TMEM131L: variants seen among roughly 807,000 people sequenced by gnomAD.
TMEM131L encodes transmembrane protein 131-like.
A neutral mutation model predicts 192.2 loss-of-function variants in TMEM131L; 54 were observed. The observed-to-expected ratio is 0.28, with a 90% CI of 0.23 to 0.35. The LOEUF is 0.35. TMEM131L is among the 10% of genes least tolerant of loss of function. The pLI, the probability that TMEM131L is intolerant of heterozygous loss-of-function variation, is 1.00. For synonymous variants in TMEM131L, 701 were observed against 704.9 expected (o/e 0.99, Z 0.09); for missense variants, 1,888 against 1,972.9 (o/e 0.96, Z 0.82).
Position 153,558,318 on chromosome 4 carries a change from G to T in TMEM131L, c.610G>T (p.Ala204Ser). ...TEGSAKQLPN[A>S]YFLLPKVQSI... ...AGGGTCTGCAAAGCAGCTACCAAAT[G>T]CTTATTTTCTGCTTCCAAAGGTCCA... Residue 204 changes from alanine to serine, a missense_variant, in exon 7 of 35, where the codon GCT (alanine) becomes TCT (serine). Ala to Ser is a moderately conservative substitution (Grantham distance 99). Coordinates refer to ENST00000409959, the MANE Select transcript of TMEM131L (RefSeq NM_001131007.2). 1.2e-6 allele frequency: 2 copies of T among 1,609,274 alleles called. No individual in the cohort carries two copies. Among genetic ancestry groups the T allele is most frequent in the Non-Finnish European group, 1.7e-6 (2 of 1,176,366 alleles).
At chr4:153,542,925 A>G (rs1489831386) in intron 3 of TMEM131L, among the ~76,000 whole-genome samples, 1 of 152,214 alleles carries the variant, frequency 6.6e-6, no homozygotes, top group African/African-American at 2.4e-5. Flanking sequence ...TGCATAGGTC[A>G]TCAGCAATAT....
intron 3 of TMEM131L, among the ~76,000 whole-genome samples, chr4:153,522,757 T>A (rs919484149): frequency 2.0e-5 from 3 of 152,148 alleles, no homozygotes; most frequent in Middle Eastern, 3.2e-3. Flanking sequence ...CATTCCCATA[T>A]CTCATCGTGT....
At chr4:153,611,372 C>T (rs1222100802) in intron 25 of TMEM131L, among the ~76,000 whole-genome samples, 1 of 152,242 alleles carries the variant, frequency 6.6e-6, no homozygotes, top group Non-Finnish European at 1.5e-5. Context: ...TTAACTTTGA[C>T]TGTAAAACTA....
At chr4:153,509,838 C>T (rs968774371) in intron 3 of TMEM131L, among the ~76,000 whole-genome samples, 5 of 152,174 alleles carry the variant, frequency 3.3e-5, no homozygotes, top group Non-Finnish European at 7.4e-5. Context: ...ATTGGCCCCA[C>T]CCTAAAGTAA....
At chr4:153,571,993 A>G (rs983627987) in intron 7 of TMEM131L, among the ~76,000 whole-genome samples, 1 of 151,916 alleles carries the variant, frequency 6.6e-6, no homozygotes, top group African/African-American at 2.4e-5. Flanking sequence ...AAGTATCTCC[A>G]CTTCTCTTTT....
intron 3 of TMEM131L, among the ~76,000 whole-genome samples, chr4:153,512,173 C>T (rs982530837): frequency 6.6e-6 from 1 of 152,054 alleles, no homozygotes; most frequent in South Asian, 2.1e-4. Flanking sequence ...AGAATGGATA[C>T]GTTTAAGAGA....
At chr4:153,559,449 C>A (rs1728705320) in intron 7 of TMEM131L, among the ~76,000 whole-genome samples, 1 of 152,044 alleles carries the variant, frequency 6.6e-6, no homozygotes, top group Non-Finnish European at 1.5e-5. Context: ...TTTGGAGGGC[C>A]AGATGCCTCA....
rs1053104952 is a variant in TMEM131L at position 153,583,378 on chromosome 4, A to G, written c.951+130A>G. 18 of 767,232 alleles carry G rather than the reference A, an allele frequency of 2.3e-5. No homozygotes were observed. In the African/African-American group the frequency reaches 2.8e-4, roughly 12 times the overall value. 47.5% of individuals were successfully genotyped at this position (767,232 alleles called of 1,614,324 possible). ...TTCTTTTTTGCTTTAATTTAAGCCC[A>G]TTTGCCCTTGCTTGAACCTCTGTTT... On this transcript the variant is annotated intron_variant, in intron 10 of 34. Coordinates refer to ENST00000409959, the MANE Select transcript of TMEM131L (RefSeq NM_001131007.2).
chr4:153,608,910 T>C (rs1388322094), intron 25 of TMEM131L, among the ~76,000 whole-genome samples: 1 of 152,170 alleles, frequency 6.6e-6, no homozygotes, highest in Non-Finnish European at 1.5e-5. Flanking sequence ...CTTGATGAGT[T>C]TGGGAATAAG....
At chr4:153,519,439 G>C (rs567662441) in intron 3 of TMEM131L, among the ~76,000 whole-genome samples, 6 of 152,242 alleles carry the variant, frequency 3.9e-5, no homozygotes, top group Middle Eastern at 3.4e-3. Context: ...TCAAACTTTA[G>C]GTGACATTAA....
chr4:153,612,013 G>A (rs1429102823), intron 25 of TMEM131L, among the ~76,000 whole-genome samples: 1 of 103,214 alleles, frequency 9.7e-6, no homozygotes, highest in African/African-American at 3.7e-5. Context: ...TGTGAATATT[G>A]GTGTCCCCCC....
At chr4:153,630,141 A>C (rs1464540977) in intron 31 of TMEM131L, among the ~76,000 whole-genome samples, 3 of 152,250 alleles carry the variant, frequency 2.0e-5, no homozygotes, top group African/African-American at 7.2e-5. Flanking sequence ...TTGTCTCACA[A>C]CATACACACC....
intron 3 of TMEM131L, among the ~76,000 whole-genome samples, chr4:153,504,974 C>T (rs543666543): frequency 3.8e-4 from 58 of 152,218 alleles, no homozygotes; most frequent in African/African-American, 1.3e-3. Flanking sequence ...TGGCTAGGAG[C>T]GAACTGTGGG....
intron 20 of TMEM131L, among the ~76,000 whole-genome samples, chr4:153,598,112 G>C (rs6814209): frequency 6.6e-6 from 1 of 151,974 alleles, no homozygotes; most frequent in Non-Finnish European, 1.5e-5. Context: ...AGAATTTTAC[G>C]TCTAGTATCA....
intron 3 of TMEM131L, among the ~76,000 whole-genome samples, chr4:153,506,174 G>C (rs192881066): frequency 8.2e-4 from 125 of 152,256 alleles, no homozygotes; most frequent in African/African-American, 2.9e-3. Flanking sequence ...CCCACCAGGT[G>C]ATACCTGGGA....
At chr4:153,564,554 A>G (rs1411219023) in intron 7 of TMEM131L, among the ~76,000 whole-genome samples, 1 of 152,142 alleles carries the variant, frequency 6.6e-6, no homozygotes, top group Admixed American at 6.6e-5. Flanking sequence ...GCTTTTTTAA[A>G]CCTTGTCATT....
At chr4:153,517,246 T>C (rs1442675218) in intron 3 of TMEM131L, among the ~76,000 whole-genome samples, 1 of 152,226 alleles carries the variant, frequency 6.6e-6, no homozygotes, top group Non-Finnish European at 1.5e-5. Context: ...ATTGGACTTA[T>C]TTGCTATGCC....
chr4:153,539,492 A>ATT (rs750436196), intron 3 of TMEM131L, among the ~76,000 whole-genome samples: 1,180 of 110,796 alleles, frequency 0.011, 69 homozygotes, highest in African/African-American at 0.041. Context: ...CAGAGGCTAG[A>ATT]TTTTTTTTTT....
chr4:153,561,161 T>G (rs1454712343), intron 7 of TMEM131L, among the ~76,000 whole-genome samples: 1 of 152,244 alleles, frequency 6.6e-6, no homozygotes, highest in Non-Finnish European at 1.5e-5. Context: ...TTTCATGTGC[T>G]CAGTGGCCAT....
Sources: allele counts gnomAD v4.1 joint callset (sites outside exome capture counted in the v4.1 genomes callset), GRCh38; gene constraint gnomAD v4.1.1; transcripts MANE v1.5; gene names NCBI Gene and HGNC (gene_info 2026-07-23, HGNC 2026-07-21).